Variants in CYYR1 observed in about 807,000 individuals in gnomAD.
The protein encoded by CYYR1 is cysteine and tyrosine rich 1.
Under a neutral mutation model 15.2 loss-of-function variants are expected in CYYR1, and 14 were observed. That is an observed-to-expected ratio of 0.92 (90% CI 0.61 to 1.44). The LOEUF (loss-of-function observed/expected upper bound fraction) is 1.44. Ranked by LOEUF, CYYR1 falls within the 40% of genes most tolerant of loss-of-function variation. The probability of loss-of-function intolerance (pLI) is 0.00; values close to 1 mark genes in which losing one functional copy is unlikely to be tolerated. For synonymous variants in CYYR1, 80 were observed against 77.4 expected (o/e 1.03, Z -0.18); for missense variants, 228 against 209.5 (o/e 1.09, Z -0.54).
chr21:26,516,138 T>C (rs776476608), intron 2 of CYYR1, among the ~76,000 whole-genome samples: 24 of 152,198 alleles, frequency 1.6e-4, no homozygotes, highest in Non-Finnish European at 2.6e-4. Flanking sequence ...ATAATCTGAT[T>C]ACCAGTATTT....
chr21:26,530,426 T>C (rs1254462773), intron 2 of CYYR1, among the ~76,000 whole-genome samples: 1 of 152,094 alleles, frequency 6.6e-6, no homozygotes, highest in African/African-American at 2.4e-5. Context: ...AATTTAGCCT[T>C]AAAATGTGAG....
At chr21:26,548,397 A>G (rs1343129900) in intron 2 of CYYR1, among the ~76,000 whole-genome samples, 1 of 152,218 alleles carries the variant, frequency 6.6e-6, no homozygotes, top group African/African-American at 2.4e-5. Flanking sequence ...CCCAGGATGC[A>G]GTGCAGTGGC....
At chr21:26,469,204 A>T (rs901478731) in intron 3 of CYYR1, among the ~76,000 whole-genome samples, 5 of 152,284 alleles carry the variant, frequency 3.3e-5, no homozygotes, top group Non-Finnish European at 7.4e-5. Context: ...AAACATTCTA[A>T]CAGTCCTTGA....
Position 26,525,490 on chromosome 21 carries a change from C to T in CYYR1, c.176+40776G>A, listed in dbSNP as rs536115521. On this transcript the variant is annotated intron_variant, in intron 2 of 3. Transcript: ENST00000652641. ...GGAATTTAGTTCCTGCTGCCCCTGC[C>T]GCCTTCCTTCCCCAGAGGCTTCAGC... Among the ~76,000 whole-genome samples, 150 of 152,270 alleles carry T rather than the reference C, an allele frequency of 9.9e-4. 1 individual carries two copies. Among genetic ancestry groups the T allele is most frequent in the African/African-American group, 3.3e-3 (138 of 41,558 alleles).
intron 2 of CYYR1, among the ~76,000 whole-genome samples, chr21:26,540,981 G>T (rs768378358): frequency 1.3e-5 from 2 of 152,068 alleles, no homozygotes; most frequent in South Asian, 4.1e-4. Flanking sequence ...TAGAAATGAG[G>T]AATAAAATAT....
chr21:26,564,423 C>T (rs1980462390), intron 2 of CYYR1, among the ~76,000 whole-genome samples: 1 of 151,934 alleles, frequency 6.6e-6, no homozygotes, highest in Non-Finnish European at 1.5e-5. Flanking sequence ...GTTTATTTTC[C>T]CTTCTGAAAC....
At chr21:26,518,577 C>G (rs1322329567) in intron 2 of CYYR1, 2 of 152,388 alleles carry the variant, frequency 1.3e-5, no homozygotes, top group Non-Finnish European at 2.9e-5. Flanking sequence ...GCCAAATAAA[C>G]CTCTTTTCTT....
intron 2 of CYYR1, among the ~76,000 whole-genome samples, chr21:26,490,253 T>C (rs2065310009): frequency 6.6e-6 from 1 of 152,030 alleles, no homozygotes; most frequent in Admixed American, 6.6e-5. Flanking sequence ...TGAGCCAAGA[T>C]AGCCTCACTG....
chr21:26,508,446 A>G (rs966895106), intron 2 of CYYR1, among the ~76,000 whole-genome samples: 3 of 152,178 alleles, frequency 2.0e-5, no homozygotes, highest in Non-Finnish European at 4.4e-5. Flanking sequence ...TTGAGGGGGT[A>G]GGTAAAAGAA....
intron 2 of CYYR1, among the ~76,000 whole-genome samples, chr21:26,550,011 C>T (rs1386479100): frequency 2.6e-5 from 4 of 152,086 alleles, no homozygotes; most frequent in Admixed American, 2.0e-4. Flanking sequence ...CTGTGGCAGC[C>T]CTTCATTGAG....
chr21:26,566,946 T>C (rs1032947946), intron 1 of CYYR1, among the ~76,000 whole-genome samples: 11 of 149,306 alleles, frequency 7.4e-5, no homozygotes, highest in African/African-American at 2.7e-4. Context: ...GAGATGGAGG[T>C]TGCAATGAGC....
chr21:26,544,191 C>A (rs1978785405), intron 2 of CYYR1, among the ~76,000 whole-genome samples: 1 of 152,156 alleles, frequency 6.6e-6, no homozygotes, highest in East Asian at 1.9e-4. Context: ...CTCACTTCTA[C>A]TAATCCACCA....
chr21:26,468,554 C>A lies in CYYR1; in HGVS notation c.415G>T (p.Gly139Cys). ...GGGGGTGGAGAACGCTGTGCTGGAC[C>A]CTGTGGGGTGGGGGAGTATGGAGGA... ...LPPPYSPTPQ[G>C]PAQRSPPPPY... The change falls in exon 4 of 4, where the codon GGT becomes TGT. Residue 139 changes from glycine (G) to cysteine (C), a missense_variant. Coordinates refer to ENST00000652641, the MANE Select transcript of CYYR1 (RefSeq NM_001320768.2). 2.5e-6 allele frequency: 4 copies of A among 1,613,008 alleles called. No individual in the cohort carries two copies. Among genetic ancestry groups the A allele is most frequent in the Non-Finnish European group, 2.5e-6 (3 of 1,179,500 alleles).
chr21:26,511,105 A>G (rs1194244772), intron 2 of CYYR1, among the ~76,000 whole-genome samples: 1 of 152,202 alleles, frequency 6.6e-6, no homozygotes, highest in African/African-American at 2.4e-5. Context: ...TATCTGTGAG[A>G]AAGTTTACCC....
intron 1 of CYYR1, chr21:26,568,960 G>C (rs1601842951): frequency 1.3e-5 from 2 of 152,122 alleles, no homozygotes; most frequent in African/African-American, 2.4e-5. Context: ...GTGGAGAAAA[G>C]GGAATACTTA....
intron 2 of CYYR1, among the ~76,000 whole-genome samples, chr21:26,562,538 A>T (rs1251889027): frequency 1.3e-5 from 2 of 152,122 alleles, no homozygotes; most frequent in African/African-American, 4.8e-5. Flanking sequence ...CTCGTTCCCC[A>T]CTAGCCACAC....
Position 26,545,567 on chromosome 21 carries a change from C to CTTTTTTTTTTTTT in CYYR1, c.176+20686_176+20698dup, listed in dbSNP as rs770885517. 1.5e-4 allele frequency among the ~76,000 whole-genome samples: 11 copies of CTTTTTTTTTTTTT among 73,748 alleles called. 1 individual carries two copies. Among genetic ancestry groups the CTTTTTTTTTTTTT allele is most frequent in the African/African-American group, 5.3e-4 (9 of 16,974 alleles). The allele number at this position is 73,748 out of a possible 152,430, so 48.4% of individuals were successfully genotyped here. ...CCTTCTGGTTAATAAGATGCTTATT[C>CTTTTTTTTTTTTT]TTTTTTTTTTTTTTTTTTTTTTTTT... On this transcript the variant is annotated intron_variant, in intron 2 of 3. Transcript: ENST00000652641.
At chr21:26,519,271 T>C (rs1439115982) in intron 2 of CYYR1, among the ~76,000 whole-genome samples, 2 of 152,138 alleles carry the variant, frequency 1.3e-5, no homozygotes, top group Non-Finnish European at 2.9e-5. Context: ...GTATAAATAT[T>C]GTCAGAAGCT....
At chr21:26,564,263 C>G (rs986809157) in intron 2 of CYYR1, among the ~76,000 whole-genome samples, 2 of 151,914 alleles carry the variant, frequency 1.3e-5, no homozygotes, top group Non-Finnish European at 2.9e-5. Context: ...AATGTATTCT[C>G]TTTTATCAAG....
Sources: gnomAD v4.1 joint callset for allele counts (sites outside exome capture counted in the v4.1 genomes callset) on GRCh38, gnomAD v4.1.1 for gene constraint, MANE v1.5 for transcripts, NCBI Gene and HGNC (gene_info 2026-07-23, HGNC 2026-07-21) for gene names.